PRELID2: variants seen among roughly 807,000 people sequenced by gnomAD.
PRELID2 encodes the protein PRELI domain containing 2.
PRELID2 carries 25 observed loss-of-function variants against 28.4 expected under a neutral mutation model. That is an observed-to-expected ratio of 0.88 (90% CI 0.64 to 1.23). The LOEUF is 1.23. PRELID2 is among the 50% of genes most tolerant of loss of function. The pLI is 0.00. For missense variants in PRELID2, 201 were observed against 214.4 expected (o/e 0.94, Z 0.39); for synonymous variants, 76 against 71.6 (o/e 1.06, Z -0.31).
the PRELID2 span, among the ~76,000 whole-genome samples, chr5:145,286,513 A>G: frequency 2.2e-3 from 331 of 152,270 alleles, 2 homozygotes; most frequent in African/African-American, 7.7e-3. Flanking sequence ...TCCCAGTCAT[A>G]TTGAGTCGGA....
At chr5:145,338,930 G>A in the PRELID2 span, among the ~76,000 whole-genome samples, 8 of 152,164 alleles carry the variant, frequency 5.3e-5, no homozygotes, top group South Asian at 2.1e-4. Context: ...GCCTTACTGC[G>A]TGGAATTGAA....
At chr5:145,361,386 T>A in the PRELID2 span, among the ~76,000 whole-genome samples, 1 of 152,262 alleles carries the variant, frequency 6.6e-6, no homozygotes, top group Non-Finnish European at 1.5e-5. Flanking sequence ...AATAACACAA[T>A]TTTCATGATG....
At chr5:145,797,667 T>C (rs1169183718) in intron 4 of PRELID2, among the ~76,000 whole-genome samples, 1 of 152,082 alleles carries the variant, frequency 6.6e-6, no homozygotes, top group Admixed American at 6.6e-5. Context: ...CCAGAGAAGA[T>C]GCATCCCTCA....
At chr5:145,635,875 A>G (rs1753993309) in intron 1 of PRELID2, among the ~76,000 whole-genome samples, 1 of 152,142 alleles carries the variant, frequency 6.6e-6, no homozygotes, top group Non-Finnish European at 1.5e-5. Flanking sequence ...GCTGGACAAC[A>G]CTCGTCTCTA....
intron 1 of PRELID2, among the ~76,000 whole-genome samples, chr5:145,651,733 T>C (rs1377011979): frequency 6.6e-6 from 1 of 152,076 alleles, no homozygotes; most frequent in Admixed American, 6.6e-5. Context: ...AGAAAGGACA[T>C]CCACACCAAA....
intron 1 of PRELID2, among the ~76,000 whole-genome samples, chr5:145,594,616 T>C (rs1753277091): frequency 6.6e-6 from 1 of 152,166 alleles, no homozygotes; most frequent in Non-Finnish European, 1.5e-5. Flanking sequence ...GTCCAACTTA[T>C]GTAGCCACAA....
At chr5:145,353,090 A>T in the PRELID2 span, among the ~76,000 whole-genome samples, 2 of 152,022 alleles carry the variant, frequency 1.3e-5, no homozygotes, top group South Asian at 4.2e-4. Context: ...CTACATTTTC[A>T]GGCATCTTTA....
At chr5:145,504,007 T>C (rs959714126) in intron 1 of PRELID2, among the ~76,000 whole-genome samples, 1 of 152,164 alleles carries the variant, frequency 6.6e-6, no homozygotes, top group Admixed American at 6.6e-5. Context: ...ATATGTAAAA[T>C]GAAGAAACTG....
At chr5:145,682,182 G>A (rs1754949575) in intron 1 of PRELID2, among the ~76,000 whole-genome samples, 1 of 152,100 alleles carries the variant, frequency 6.6e-6, no homozygotes, top group African/African-American at 2.4e-5. Context: ...GGGAGAGGGA[G>A]GAGGAAACCT....
At chr5:145,741,061 A>G (rs1756703702) in intron 1 of PRELID2, among the ~76,000 whole-genome samples, 1 of 118,620 alleles carries the variant, frequency 8.4e-6, no homozygotes, top group Admixed American at 1.0e-4. Context: ...AAATATGTAT[A>G]TTATATATTT....
chr5:145,266,167 CA>C, the PRELID2 span, among the ~76,000 whole-genome samples: 1 of 139,436 alleles, frequency 7.2e-6, no homozygotes, highest in Non-Finnish European at 1.6e-5. Context: ...CCTATTTTAA[CA>C]TTTTTTTTTC....
intron 1 of PRELID2, among the ~76,000 whole-genome samples, chr5:145,573,511 A>G (rs1316655772): frequency 2.6e-5 from 4 of 151,648 alleles, no homozygotes; most frequent in Admixed American, 6.6e-5. Flanking sequence ...CTCTGCCCGC[A>G]CAACAGGCCC....
At chr5:145,698,663 T>C (rs1755337605) in intron 1 of PRELID2, among the ~76,000 whole-genome samples, 1 of 152,174 alleles carries the variant, frequency 6.6e-6, no homozygotes, top group Admixed American at 6.5e-5. Flanking sequence ...ATGTATCCCA[T>C]TCAAAGGAGT....
At chr5:145,653,908 G>C (rs62392287) in intron 1 of PRELID2, among the ~76,000 whole-genome samples, 5,007 of 152,144 alleles carry the variant, frequency 0.033, 172 homozygotes, top group African/African-American at 0.081. Context: ...CAGAGCAGAA[G>C]TGAAGTAGAT....
At chr5:145,241,219 A>G in the PRELID2 span, among the ~76,000 whole-genome samples, 1 of 151,990 alleles carries the variant, frequency 6.6e-6, no homozygotes, top group Non-Finnish European at 1.5e-5. Flanking sequence ...ATGAGACTAG[A>G]CTGTAAGATA....
chr5:145,321,484 G>A, the PRELID2 span, among the ~76,000 whole-genome samples: 1 of 152,108 alleles, frequency 6.6e-6, no homozygotes, highest in African/African-American at 2.4e-5. Context: ...GTAAATACTG[G>A]GCCCAGATTA....
chr5:145,266,937 A>C, the PRELID2 span, among the ~76,000 whole-genome samples: 8 of 152,110 alleles, frequency 5.3e-5, no homozygotes, highest in Non-Finnish European at 7.4e-5. Context: ...GTAATGGAAA[A>C]CCAAACATTG....
chr5:145,804,610 G>T (rs1407944228), intron 4 of PRELID2, among the ~76,000 whole-genome samples: 1 of 152,076 alleles, frequency 6.6e-6, no homozygotes, highest in African/African-American at 2.4e-5. Context: ...ATGCCTTTCA[G>T]TTAATTCTCA....
chr5:145,670,276 A>T (rs1016522867), intron 1 of PRELID2, among the ~76,000 whole-genome samples: 1 of 152,074 alleles, frequency 6.6e-6, no homozygotes, highest in Non-Finnish European at 1.5e-5. Context: ...AGGGGAGGAG[A>T]GTGCCAGGCT....
Sources: allele counts gnomAD v4.1 joint callset (sites outside exome capture counted in the v4.1 genomes callset), GRCh38; gene constraint gnomAD v4.1.1; transcripts MANE v1.5; gene names NCBI Gene and HGNC (gene_info 2026-07-23, HGNC 2026-07-21).